The following DNAH12 variants were observed in gnomAD, a reference collection of about 807,000 sequenced individuals.
The protein encoded by DNAH12 is dynein axonemal heavy chain 12, also known as axonemal beta dynein heavy chain 12.
A neutral mutation model predicts 371.5 loss-of-function variants in DNAH12; 285 were observed. That is an observed-to-expected ratio of 0.77 (90% CI 0.70 to 0.85). DNAH12 has a LOEUF of 0.85. Among genes scored for constraint, DNAH12 ranks in the 40% least tolerant of loss-of-function variants. DNAH12 has a pLI of 0.00. For synonymous variants in DNAH12, 1,200 were observed against 1,213.0 expected, an observed-to-expected ratio of 0.99 and a Z score of 0.22; for missense variants, 3,611 against 3,689.4, an observed-to-expected ratio of 0.98 and a Z score of 0.55.
intron 36 of DNAH12, among the ~76,000 whole-genome samples, chr3:57,420,564 C>G (rs1264481512): frequency 6.6e-6 from 1 of 152,130 alleles, no homozygotes; most frequent in African/African-American, 2.4e-5. Context: ...TTCCTAGAGA[C>G]CTTCACCTTC....
In DNAH12 at chr3:57,451,373, G is replaced by A. The variant is rs558244009; in HGVS notation, c.3786+1470C>T. Among the ~76,000 whole-genome samples the A allele has an allele frequency of 7.9e-4, 121 of 152,294 alleles. 3 individuals carry two copies. The South Asian group carries it at 0.024, about 30-fold the overall frequency. On this transcript the variant is annotated intron_variant, in intron 25 of 73. Coordinates refer to ENST00000495027, the MANE Select transcript of DNAH12 (RefSeq NM_001366028.2). The stretch of plus-strand genomic sequence containing the variant: ...CGGCCGGGCCCAGTGGCTCACGTCT[G>A]CAATCCCAGCACTTTGGAAGGCTGA...
At chr3:57,520,493 A>G in intron 4 of DNAH12, among the ~76,000 whole-genome samples, 1 of 146,736 alleles carries the variant, frequency 6.8e-6, no homozygotes, top group African/African-American at 2.5e-5. Context: ...CCCAGGCTGG[A>G]GTGAAGTGGC....
In DNAH12 at chr3:57,370,238, TAGTA is replaced by T. The variant is rs1334445876; in HGVS notation, c.8760-1982_8760-1979del. 3.0e-3 allele frequency among the ~76,000 whole-genome samples: 456 copies of T among 152,314 alleles called. 2 individuals carry two copies. The highest frequency in any genetic ancestry group is 0.01 in the African/African-American group (426 of 41,586). On this transcript the variant is annotated intron_variant, in intron 55 of 73. Coordinates refer to ENST00000495027, the MANE Select transcript of DNAH12 (RefSeq NM_001366028.2). Reference sequence around the variant, plus strand: ...GTCTCCTACCTCCACCTAGGAGACATAGTAAGTGTTTTCATCATGGTTGAAACAT... The same window carrying T: ...GTCTCCTACCTCCACCTAGGAGACATAGTGTTTTCATCATGGTTGAAACAT...
At chr3:57,355,558 G>A (rs2062779333) in intron 59 of DNAH12, among the ~76,000 whole-genome samples, 1 of 151,938 alleles carries the variant, frequency 6.6e-6, no homozygotes, top group African/African-American at 2.4e-5. Flanking sequence ...ACCCAGGAAT[G>A]GAATTGCTGG....
chr3:57,438,677 G>A (rs2065207804), intron 29 of DNAH12, among the ~76,000 whole-genome samples: 1 of 151,952 alleles, frequency 6.6e-6, no homozygotes, highest in South Asian at 2.1e-4. Flanking sequence ...ATCCGGCCGG[G>A]CGCGGTGGCC....
intron 43 of DNAH12, among the ~76,000 whole-genome samples, chr3:57,399,729 C>T (rs2063817331): frequency 6.6e-6 from 1 of 152,256 alleles, no homozygotes; most frequent in Non-Finnish European, 1.5e-5. Context: ...CACTCCTCTT[C>T]GTCCTCTTCA....
intron 37 of DNAH12, among the ~76,000 whole-genome samples, chr3:57,415,786 ATTC>A (rs2064354829): frequency 7.7e-6 from 1 of 129,842 alleles, no homozygotes; most frequent in Non-Finnish European, 1.6e-5. Flanking sequence ...TTTATTTTTT[ATTC>A]TTTTTTTTTT....
rs555528016 is a variant in DNAH12 at position 57,446,294 on chromosome 3, T to C, written c.3940-24A>G. On this transcript the variant is annotated intron_variant, in intron 26 of 73. Coordinates refer to ENST00000495027, the MANE Select transcript of DNAH12 (RefSeq NM_001366028.2). ...AACTAAGGACAAAGAAAAAGGAAAGTGATTTTTTTCTCAGGAAAGGATATC... is the reference window on the plus strand; with the variant it reads ...AACTAAGGACAAAGAAAAAGGAAAGCGATTTTTTTCTCAGGAAAGGATATC... 3.0e-5 allele frequency: 46 copies of C among 1,539,254 alleles called. No homozygotes were observed. The African/African-American group carries it at 5.9e-4, about 20-fold the overall frequency.
intron 12 of DNAH12, among the ~76,000 whole-genome samples, chr3:57,485,262 G>C (rs1264356770): frequency 6.6e-6 from 1 of 152,208 alleles, no homozygotes; most frequent in African/African-American, 2.4e-5. Flanking sequence ...CAATTGCAAA[G>C]ATATGGAACC....
upstream of DNAH12, among the ~76,000 whole-genome samples, chr3:57,547,183 T>C (rs1166487468): frequency 7.2e-6 from 1 of 138,514 alleles, no homozygotes; most frequent in Non-Finnish European, 1.5e-5. Flanking sequence ...AAAATATATA[T>C]ATATGTATAG....
In DNAH12 at chr3:57,358,389, C is replaced by T. The variant is rs1042645558; in HGVS notation, c.9361-1041G>A. 4.6e-5 allele frequency among the ~76,000 whole-genome samples: 7 copies of T among 152,180 alleles called. No individual in the cohort carries two copies. In the East Asian group the frequency reaches 1.2e-3, roughly 25 times the overall value. On this transcript the variant is annotated intron_variant, in intron 58 of 73. Transcript: ENST00000495027. ...TAGAGGGAAGCACAGAATGACCACACAGCCCCGGAGGTAGAGGAAGAGACA... is the reference window on the plus strand; with the variant it reads ...TAGAGGGAAGCACAGAATGACCACATAGCCCCGGAGGTAGAGGAAGAGACA...
chr3:57,514,363 C>T (rs933968399), intron 4 of DNAH12, among the ~76,000 whole-genome samples: 1 of 148,468 alleles, frequency 6.7e-6, no homozygotes, highest in African/African-American at 2.5e-5. Context: ...CACTGTACTC[C>T]AGCCTCGGTG....
chr3:57,447,829 ACACT>A (rs1185480100), intron 25 of DNAH12, among the ~76,000 whole-genome samples: 3 of 151,992 alleles, frequency 2.0e-5, no homozygotes, highest in Non-Finnish European at 4.4e-5. Context: ...GTATGCCACC[ACACT>A]CAGTTTATTT....
intron 6 of DNAH12, among the ~76,000 whole-genome samples, chr3:57,508,929 T>C (rs966479701): frequency 1.3e-5 from 2 of 152,240 alleles, no homozygotes; most frequent in African/African-American, 4.8e-5. Flanking sequence ...AGTTAAGCTA[T>C]GCATTCATAA....
chr3:57,435,886 T>C (rs1038432410), intron 30 of DNAH12, among the ~76,000 whole-genome samples: 4 of 151,978 alleles, frequency 2.6e-5, no homozygotes, highest in Non-Finnish European at 5.9e-5. Flanking sequence ...TGTTTAAAAA[T>C]TTACATAATG....
intron 14 of DNAH12, 45 bp from the exon 15 acceptor site, chr3:57,471,651 G>C: frequency 6.9e-7 from 1 of 1,445,670 alleles, no homozygotes; most frequent in South Asian, 1.5e-5. Context: ...CTGTAACAAA[G>C]AATTATCAAG....
intron 31 of DNAH12, 24 bp from the exon 32 acceptor site, chr3:57,433,531 A>C: frequency 6.5e-7 from 1 of 1,543,278 alleles, no homozygotes. Context: ...AAAAGAATTA[A>C]AAAGCTCTCC....
chr3:57,297,082 C>A, intron 70 of DNAH12, 98 bp from the exon 71 acceptor site: 1 of 1,391,298 alleles, frequency 7.2e-7, no homozygotes. Context: ...TTATGTTGCC[C>A]ACATTTTCCA....
chr3:57,357,153 G>T (rs1408244446), intron 59 of DNAH12, 23 bp downstream of exon 59: 1 of 152,150 alleles, frequency 6.6e-6, no homozygotes, highest in Non-Finnish European at 1.5e-5. Flanking sequence ...TCGGGAAGAT[G>T]AATAAAGCGA....
Sources: allele counts gnomAD v4.1 joint callset (sites outside exome capture counted in the v4.1 genomes callset), GRCh38; gene constraint gnomAD v4.1.1; transcripts MANE v1.5; gene names NCBI Gene and HGNC (gene_info 2026-07-23, HGNC 2026-07-21).